MMP26: variants seen among roughly 807,000 people sequenced by gnomAD.
The protein encoded by MMP26 is matrix metallopeptidase 26.
Under a neutral mutation model 31.0 loss-of-function variants are expected in MMP26, and 33 were observed. The observed-to-expected ratio is 1.06, with a 90% CI of 0.81 to 1.42. The LOEUF (loss-of-function observed/expected upper bound fraction) is 1.42. Ranked by LOEUF, MMP26 falls within the 40% of genes most tolerant of loss-of-function variation. The pLI is 0.00. For missense variants in MMP26, 347 were observed against 316.1 expected (o/e 1.10, Z -0.74); for synonymous variants, 122 against 114.9 (o/e 1.06, Z -0.40).
intron 2 of MMP26, chr11:4,859,585 G>T: frequency 2.6e-6 from 1 of 390,310 alleles, no homozygotes; most frequent in Non-Finnish European, 5.3e-6. Flanking sequence ...TACTTACTCT[G>T]CTTCTTACAC....
At chr11:4,803,043 A>T (rs1849204883) in intron 2 of MMP26, among the ~76,000 whole-genome samples, 1 of 152,134 alleles carries the variant, frequency 6.6e-6, no homozygotes, top group African/African-American at 2.4e-5. Flanking sequence ...TGTACTTTTA[A>T]ATTATTTGAT....
At chr11:4,813,401 T>A (rs975206404) in intron 2 of MMP26, among the ~76,000 whole-genome samples, 2 of 152,148 alleles carry the variant, frequency 1.3e-5, no homozygotes. Flanking sequence ...TATTTATTTA[T>A]TTTTTAGAGA....
At chr11:4,746,394 A>G (rs1276980416) in intron 1 of MMP26, among the ~76,000 whole-genome samples, 3 of 152,184 alleles carry the variant, frequency 2.0e-5, no homozygotes, top group African/African-American at 7.2e-5. Context: ...TATTTTTTAA[A>G]TTATATCTTT....
intron 2 of MMP26, among the ~76,000 whole-genome samples, chr11:4,827,145 A>G (rs1849587858): frequency 6.6e-6 from 1 of 152,150 alleles, no homozygotes; most frequent in Non-Finnish European, 1.5e-5. Flanking sequence ...GATTGCTGTA[A>G]CAGTGATTGG....
intron 2 of MMP26, chr11:4,882,264 T>C (rs757768798): frequency 6.2e-7 from 1 of 1,613,932 alleles, no homozygotes; most frequent in Non-Finnish European, 8.5e-7. Flanking sequence ...GCCATGGCCT[T>C]TGACCGCTTC....
intron 2 of MMP26, among the ~76,000 whole-genome samples, chr11:4,817,278 G>T (rs905392310): frequency 1.3e-5 from 2 of 152,212 alleles, no homozygotes; most frequent in East Asian, 1.9e-4. Flanking sequence ...TGCATAGCAG[G>T]AAGTAGAATC....
chr11:4,789,693 A>G (rs898537660), intron 2 of MMP26, among the ~76,000 whole-genome samples: 3 of 151,512 alleles, frequency 2.0e-5, no homozygotes, highest in South Asian at 2.1e-4. Context: ...GGTGCCTGCC[A>G]CCACACCCAG....
In MMP26 at chr11:4,882,374, C is replaced by T. The variant is rs1357298637; in HGVS notation, c.-144-105694C>T. On this transcript the variant is annotated intron_variant, in intron 2 of 7. Coordinates refer to ENST00000380390, the MANE Select transcript of MMP26 (RefSeq NM_021801.5). ...CTGCATTAGACCAGCAGTTTTCTTACTTCCCCTTCTTGTAGCCATAAACAC... is the reference window on the plus strand; with the variant it reads ...CTGCATTAGACCAGCAGTTTTCTTATTTCCCCTTCTTGTAGCCATAAACAC... 55 of 1,613,834 alleles carry T rather than the reference C, an allele frequency of 3.4e-5. No individual in the cohort carries two copies. Among genetic ancestry groups the T allele is most frequent in the Non-Finnish European group, 4.6e-5 (54 of 1,179,932 alleles).
intron 2 of MMP26, among the ~76,000 whole-genome samples, chr11:4,885,680 C>CT (rs1389607698): frequency 1.3e-5 from 2 of 152,106 alleles, no homozygotes; most frequent in East Asian, 3.9e-4. Context: ...ATAGCCTAAT[C>CT]TTTTTTTAAT....
At chr11:4,833,573 A>T (rs987056087) in intron 2 of MMP26, among the ~76,000 whole-genome samples, 1 of 152,208 alleles carries the variant, frequency 6.6e-6, no homozygotes, top group African/African-American at 2.4e-5. Flanking sequence ...ACTGACAGCA[A>T]CAGCATTACC....
intron 1 of MMP26, among the ~76,000 whole-genome samples, chr11:4,739,824 C>T (rs1180287071): frequency 6.6e-6 from 1 of 151,994 alleles, no homozygotes; most frequent in East Asian, 1.9e-4. Flanking sequence ...TTGAATCAGC[C>T]ACAAAATAGC....
At chr11:4,991,251 C>A in intron 5 of MMP26, 120 bp from the exon 6 acceptor site, 3 of 1,261,880 alleles carry the variant, frequency 2.4e-6, no homozygotes, top group Non-Finnish European at 2.2e-6. Flanking sequence ...TTAGCTCTCT[C>A]ACATCCCCCA....
intron 2 of MMP26, among the ~76,000 whole-genome samples, chr11:4,891,291 T>C (rs1474484141): frequency 6.6e-6 from 1 of 152,052 alleles, no homozygotes; most frequent in African/African-American, 2.4e-5. Flanking sequence ...GAGCTTTTAT[T>C]CATGACAGAA....
At chr11:4,731,933 G>T (rs1386770758) in intron 1 of MMP26, among the ~76,000 whole-genome samples, 1 of 152,088 alleles carries the variant, frequency 6.6e-6, no homozygotes, top group Non-Finnish European at 1.5e-5. Context: ...TCTTTATCTG[G>T]GTATGGGGTT....
intron 2 of MMP26, among the ~76,000 whole-genome samples, chr11:4,979,872 C>T (rs190165284): frequency 6.6e-6 from 1 of 152,070 alleles, no homozygotes; most frequent in Non-Finnish European, 1.5e-5. Context: ...TTTAAAAAAT[C>T]AGAAATAATT....
chr11:4,812,403 G>A (rs1306701130), intron 2 of MMP26, among the ~76,000 whole-genome samples: 2 of 152,156 alleles, frequency 1.3e-5, no homozygotes, highest in East Asian at 1.9e-4. Flanking sequence ...ATGTTGCCAA[G>A]GTTGAGGTGA....
At chr11:4,770,053 A>C (rs1453959235) in intron 2 of MMP26, 2 of 597,456 alleles carry the variant, frequency 3.3e-6, no homozygotes, top group African/African-American at 3.7e-5. Context: ...TAAGATCTGC[A>C]TCATTGAGAA....
chr11:4,759,829 C>T (rs946438459), intron 1 of MMP26, among the ~76,000 whole-genome samples: 7 of 152,210 alleles, frequency 4.6e-5, no homozygotes, highest in African/African-American at 1.7e-4. Context: ...CTAGAATGCA[C>T]AAAAGAGGAT....
chr11:4,814,019 T>C (rs1278332398), intron 2 of MMP26, among the ~76,000 whole-genome samples: 1 of 152,150 alleles, frequency 6.6e-6, no homozygotes, highest in East Asian at 1.9e-4. Flanking sequence ...TCAATGCGCA[T>C]ATGAAAAGGT....
Sources: allele counts gnomAD v4.1 joint callset (sites outside exome capture counted in the v4.1 genomes callset), GRCh38; gene constraint gnomAD v4.1.1; transcripts MANE v1.5; gene names NCBI Gene and HGNC (gene_info 2026-07-23, HGNC 2026-07-21).